The following SUGCT variants were observed in gnomAD, a reference collection of about 807,000 sequenced individuals.
SUGCT encodes succinyl-CoA:glutarate CoA-transferase.
A neutral mutation model predicts 55.0 loss-of-function variants in SUGCT; 41 were observed. That is an observed-to-expected ratio of 0.74 (90% CI 0.58 to 0.97). SUGCT has a LOEUF of 0.97. SUGCT is among the 50% of genes least tolerant of loss of function. The pLI is 0.00. For synonymous variants in SUGCT, 187 were observed against 200.4 expected (o/e 0.93, Z 0.56); for missense variants, 568 against 547.8 (o/e 1.04, Z -0.37).
chr7:40,525,585 G>A (rs1363900913), intron 12 of SUGCT, among the ~76,000 whole-genome samples: 3 of 152,052 alleles, frequency 2.0e-5, no homozygotes, highest in Non-Finnish European at 4.4e-5. Flanking sequence ...GTGACATTTA[G>A]AAGAATCTGA....
chr7:40,691,923 A>G (rs1370926076), intron 12 of SUGCT, among the ~76,000 whole-genome samples: 1 of 152,222 alleles, frequency 6.6e-6, no homozygotes, highest in African/African-American at 2.4e-5. Flanking sequence ...AAAAATATTT[A>G]TAACCCTTTC....
the SUGCT span, among the ~76,000 whole-genome samples, chr7:40,933,340 A>C: frequency 6.6e-6 from 1 of 152,018 alleles, no homozygotes; most frequent in Non-Finnish European, 1.5e-5. Context: ...GGGTAACTCG[A>C]CCTTTCTCTC....
intron 9 of SUGCT, among the ~76,000 whole-genome samples, chr7:40,340,806 TTGA>T (rs1397717826): frequency 6.6e-6 from 1 of 152,178 alleles, no homozygotes; most frequent in Non-Finnish European, 1.5e-5. Context: ...ATGAGACTGC[TTGA>T]TGATCAGGGT....
chr7:40,919,511 G>A, the SUGCT span, among the ~76,000 whole-genome samples: 107 of 152,274 alleles, frequency 7.0e-4, no homozygotes, highest in African/African-American at 2.5e-3. Context: ...CAGAAGTGTT[G>A]TAACGACTGA....
intron 13 of SUGCT, among the ~76,000 whole-genome samples, chr7:40,764,428 A>C (rs1396891628): frequency 6.6e-6 from 1 of 152,182 alleles, no homozygotes; most frequent in Non-Finnish European, 1.5e-5. Flanking sequence ...ACACATTTCA[A>C]ATATGAGGAA....
At chr7:40,345,053 CAG>C (rs1277024549) in intron 9 of SUGCT, among the ~76,000 whole-genome samples, 7 of 152,266 alleles carry the variant, frequency 4.6e-5, no homozygotes, top group African/African-American at 1.7e-4. Context: ...CAATCAAGAA[CAG>C]AATATTACCA....
At chr7:40,806,604 G>A (rs1247771705) in intron 13 of SUGCT, among the ~76,000 whole-genome samples, 1 of 151,898 alleles carries the variant, frequency 6.6e-6, no homozygotes, top group Non-Finnish European at 1.5e-5. Flanking sequence ...GTTTTGTTAG[G>A]AAAAACATCA....
At chr7:40,231,125 A>G (rs1424585338) in intron 6 of SUGCT, among the ~76,000 whole-genome samples, 3 of 152,170 alleles carry the variant, frequency 2.0e-5, no homozygotes, top group Non-Finnish European at 4.4e-5. Context: ...GGGAATGCCA[A>G]CAGTTGAACC....
rs189856790 is a variant in SUGCT, at chr7:40,745,905, T to C, written c.1090-3529T>C. On this transcript the variant is annotated intron_variant, in intron 12 of 13. Transcript: ENST00000335693. ...TCTTAAGGGAAATTATAGCAGTTAATTGTTAGTGGTCAGAAAAACAAAACA... is the reference window on the plus strand; with the variant it reads ...TCTTAAGGGAAATTATAGCAGTTAACTGTTAGTGGTCAGAAAAACAAAACA... Among the ~76,000 whole-genome samples the C allele has an allele frequency of 1.2e-3, 188 of 152,334 alleles. 1 individual carries two copies. Among genetic ancestry groups the C allele is most frequent in the African/African-American group, 4.4e-3 (183 of 41,574 alleles).
chr7:41,013,729 T>C, the SUGCT span, among the ~76,000 whole-genome samples: 2 of 151,910 alleles, frequency 1.3e-5, no homozygotes, highest in Non-Finnish European at 2.9e-5. Flanking sequence ...TCAGGACACA[T>C]TTTAGTTGCT....
chr7:40,204,734 G>A (rs1336204391), intron 6 of SUGCT, among the ~76,000 whole-genome samples: 8 of 151,588 alleles, frequency 5.3e-5, no homozygotes, highest in African/African-American at 1.9e-4. Flanking sequence ...GAGACCAGCC[G>A]GCGTGACATA....
intron 12 of SUGCT, among the ~76,000 whole-genome samples, chr7:40,709,757 A>T (rs1468842038): frequency 6.6e-6 from 1 of 152,220 alleles, no homozygotes; most frequent in African/African-American, 2.4e-5. Context: ...GTTACTCACT[A>T]TAGGTGATAA....
At chr7:40,759,710 A>T (rs1012069479) in intron 13 of SUGCT, among the ~76,000 whole-genome samples, 2 of 151,852 alleles carry the variant, frequency 1.3e-5, no homozygotes, top group African/African-American at 4.8e-5. Context: ...TAAATGTTTT[A>T]TTTGAAGATC....
rs1786379141 is a variant in SUGCT at position 40,722,233 on chromosome 7, A to T, written c.1090-27201A>T. 2.0e-5 allele frequency among the ~76,000 whole-genome samples: 3 copies of T among 152,158 alleles called. No individual in the cohort carries two copies. In the South Asian group the frequency reaches 6.2e-4, roughly 32 times the overall value. ...CCAATTGGGGAAAATTTTTCAGCAT[A>T]AAAAAAGGCTGACAGCTGTGAAAAC... On this transcript the variant is annotated intron_variant, in intron 12 of 13. Coordinates refer to ENST00000335693, the MANE Select transcript of SUGCT (RefSeq NM_001193313.2).
At chr7:40,361,879 T>C (rs571490411) in intron 9 of SUGCT, among the ~76,000 whole-genome samples, 1 of 152,002 alleles carries the variant, frequency 6.6e-6, no homozygotes, top group African/African-American at 2.4e-5. Flanking sequence ...TTAAGAAATA[T>C]CCTGATGCCT....
the SUGCT span, among the ~76,000 whole-genome samples, chr7:40,885,564 G>A: frequency 8.5e-5 from 13 of 152,148 alleles, no homozygotes; most frequent in East Asian, 1.9e-3. Flanking sequence ...TCAGACTGAC[G>A]TTAAATTCAA....
rs553767752 is a variant in SUGCT, at chr7:40,792,945, G to T, written c.1153+43448G>T. On this transcript the variant is annotated intron_variant, in intron 13 of 13. Transcript: ENST00000335693. ...CCTGTGCTGGAGATTCTATTCAGTAGATCAGGCACAGTCCAGCTATTTGTA... is the reference window on the plus strand; with the variant it reads ...CCTGTGCTGGAGATTCTATTCAGTATATCAGGCACAGTCCAGCTATTTGTA... 5.9e-5 allele frequency among the ~76,000 whole-genome samples: 9 copies of T among 152,198 alleles called. No individual in the cohort carries two copies. The South Asian group carries it at 6.2e-4, about 11-fold the overall frequency.
intron 13 of SUGCT, among the ~76,000 whole-genome samples, chr7:40,772,500 AT>A: frequency 5.2e-5 from 2 of 38,206 alleles, no homozygotes; most frequent in Non-Finnish European, 1.2e-4. Context: ...TGAAATATCT[AT>A]CTATCTATCT....
the SUGCT span, among the ~76,000 whole-genome samples, chr7:40,868,270 T>C: frequency 6.6e-6 from 1 of 152,144 alleles, no homozygotes; most frequent in East Asian, 1.9e-4. Context: ...ATGTGCCATG[T>C]TGGTTTGCTG....
Sources: gnomAD v4.1 joint callset for allele counts (sites outside exome capture counted in the v4.1 genomes callset) on GRCh38, gnomAD v4.1.1 for gene constraint, MANE v1.5 for transcripts, NCBI Gene and HGNC (gene_info 2026-07-23, HGNC 2026-07-21) for gene names.